Variants in SLC4A4 observed in about 807,000 individuals in gnomAD.
SLC4A4 encodes the protein electrogenic sodium bicarbonate cotransporter 1.
In SLC4A4, 27 loss-of-function variants were observed where a neutral mutation model predicts 111.5. The observed-to-expected ratio is 0.24, with a 90% CI of 0.18 to 0.33. SLC4A4 has a LOEUF of 0.33. Ranked by LOEUF, SLC4A4 falls within the 10% of genes least tolerant of loss-of-function variation. The probability of loss-of-function intolerance (pLI) is 1.00; values close to 1 mark genes in which losing one functional copy is unlikely to be tolerated. For missense variants in SLC4A4, 909 were observed against 1,315.5 expected, an observed-to-expected ratio of 0.69 and a Z score of 4.78; for synonymous variants, 443 against 463.4, an observed-to-expected ratio of 0.96 and a Z score of 0.57.
At chr4:71,192,301 A>T (rs1351940351) in intron 1 of SLC4A4, among the ~76,000 whole-genome samples, 1 of 152,180 alleles carries the variant, frequency 6.6e-6, no homozygotes, top group Non-Finnish European at 1.5e-5. Context: ...CCAGCAAAAA[A>T]GTCTCTGAGC....
At chr4:71,199,913 A>C (rs1205353616) in intron 1 of SLC4A4, among the ~76,000 whole-genome samples, 1 of 152,110 alleles carries the variant, frequency 6.6e-6, no homozygotes, top group African/African-American at 2.4e-5. Flanking sequence ...AGCTTCCCAA[A>C]GTGCTGGGAT....
At chr4:71,161,362 G>C (rs912238249) in intron 2 of SLC4A4, among the ~76,000 whole-genome samples, 3 of 152,140 alleles carry the variant, frequency 2.0e-5, no homozygotes, top group African/African-American at 7.2e-5. Flanking sequence ...ATATCCTATT[G>C]TTGTGTTTTA....
chr4:71,259,539 G>A (rs566762632), intron 3 of SLC4A4, among the ~76,000 whole-genome samples: 2 of 152,092 alleles, frequency 1.3e-5, no homozygotes, highest in South Asian at 4.2e-4. Context: ...ACAAGCAGGA[G>A]AGACAAGGGA....
intron 7 of SLC4A4, among the ~76,000 whole-genome samples, chr4:71,421,244 A>ATT (rs1389564741): frequency 7.2e-5 from 11 of 152,236 alleles, no homozygotes; most frequent in African/African-American, 2.7e-4. Flanking sequence ...AAAGAAGGCC[A>ATT]TTACATAATG....
chr4:71,129,903 T>G (rs1215171444), intron 2 of SLC4A4, among the ~76,000 whole-genome samples: 1 of 151,984 alleles, frequency 6.6e-6, no homozygotes, highest in Non-Finnish European at 1.5e-5. Flanking sequence ...ATATTGCCTG[T>G]TCTCACTTAT....
intron 18 of SLC4A4, among the ~76,000 whole-genome samples, chr4:71,537,942 C>G (rs899086196): frequency 1.3e-5 from 2 of 152,034 alleles, no homozygotes; most frequent in Non-Finnish European, 2.9e-5. Flanking sequence ...CTTCGCGTGG[C>G]TGTTGTTTTT....
At chr4:71,065,585 T>C (rs1317812060) in intron 1 of SLC4A4, among the ~76,000 whole-genome samples, 1 of 152,154 alleles carries the variant, frequency 6.6e-6, no homozygotes, top group African/African-American at 2.4e-5. Flanking sequence ...TGACAATATA[T>C]ATATATTCTA....
intron 1 of SLC4A4, among the ~76,000 whole-genome samples, chr4:71,203,603 C>T (rs79020440): frequency 0.017 from 2,624 of 152,066 alleles, 73 homozygotes; most frequent in African/African-American, 0.058. Flanking sequence ...TATACCTTGG[C>T]GAAAAACATG....
At chr4:71,341,564 T>A (rs1240378228) in intron 4 of SLC4A4, among the ~76,000 whole-genome samples, 4 of 152,146 alleles carry the variant, frequency 2.6e-5, no homozygotes, top group Non-Finnish European at 5.9e-5. Flanking sequence ...GAGGAATAAT[T>A]TTTATTTTCT....
intron 5 of SLC4A4, among the ~76,000 whole-genome samples, chr4:71,350,837 A>G (rs1729765855): frequency 6.6e-6 from 1 of 152,134 alleles, no homozygotes; most frequent in Non-Finnish European, 1.5e-5. Flanking sequence ...CTTCTTCCCC[A>G]TAATCCCAGG....
chr4:71,115,675 C>G (rs375775396), intron 2 of SLC4A4, among the ~76,000 whole-genome samples: 10 of 152,100 alleles, frequency 6.6e-5, no homozygotes, highest in South Asian at 2.1e-4. Context: ...TTTACTAATA[C>G]AGATTTTTTA....
At chr4:71,490,226 T>A (rs1049251464) in intron 15 of SLC4A4, among the ~76,000 whole-genome samples, 3 of 151,822 alleles carry the variant, frequency 2.0e-5, no homozygotes, top group African/African-American at 4.8e-5. Flanking sequence ...GGCTTGCAGT[T>A]TCCAGCTCTC....
rs757268018 is a variant in SLC4A4 at position 71,534,387 on chromosome 4, A to C, written c.2441A>C (p.Lys814Thr). The change falls in exon 18 of 26, where the codon AAG becomes ACG. Residue 814 changes from lysine to threonine, a missense_variant and splice_region_variant. By Grantham distance (78) the Lys-to-Thr change is moderately conservative (BLOSUM62 -1). Coordinates refer to ENST00000264485, the MANE Select transcript of SLC4A4 (RefSeq NM_001098484.3). ...GTAAACAGGAAAGAACATAAACTCA[A>C]GGTAAGTGTCCATAATAATGTCTGT... ...VIVNRKEHKL[K>T]KGAGYHLDLF... is the part of the protein sequence containing the mutation. 1.8e-5 allele frequency: 29 copies of C among 1,613,182 alleles called. No individual in the cohort carries two copies. The highest frequency in any genetic ancestry group is 2.4e-5 in the Non-Finnish European group (28 of 1,179,436).
rs895840298 is a variant in SLC4A4 at position 71,417,937 on chromosome 4, A to G, written c.807+20284A>G. Among the ~76,000 whole-genome samples the G allele has an allele frequency of 5.3e-5, 8 of 152,192 alleles. 1 individual carries two copies. Among genetic ancestry groups the G allele is most frequent in the African/African-American group, 1.9e-4 (8 of 41,446 alleles). The stretch of plus-strand genomic sequence containing the variant: ...AAGACCTTTACGCTTTTGAGACTTA[A>G]TTTCCCTCATCTGTAAAATGATGTA... On this transcript the variant is annotated intron_variant, in intron 7 of 25. Coordinates refer to ENST00000264485, the MANE Select transcript of SLC4A4 (RefSeq NM_001098484.3).
intron 2 of SLC4A4, among the ~76,000 whole-genome samples, chr4:71,152,768 C>A (rs1008414799): frequency 1.3e-5 from 2 of 151,862 alleles, no homozygotes; most frequent in African/African-American, 2.4e-5. Context: ...CTGCCTTTCC[C>A]AGCCCACTTT....
At chr4:71,140,134 T>C (rs1053293866) in intron 2 of SLC4A4, among the ~76,000 whole-genome samples, 15 of 152,314 alleles carry the variant, frequency 9.8e-5, no homozygotes, top group South Asian at 2.1e-4. Flanking sequence ...ACAAAATCTC[T>C]GCTGGCCAGG....
intron 2 of SLC4A4, among the ~76,000 whole-genome samples, chr4:71,096,960 A>T (rs1267770408): frequency 1.3e-5 from 2 of 152,222 alleles, no homozygotes; most frequent in Non-Finnish European, 2.9e-5. Context: ...ATAAACTTAC[A>T]TTTTTGTTCA....
chr4:71,312,214 A>T (rs368747416), intron 3 of SLC4A4, among the ~76,000 whole-genome samples: 1 of 152,356 alleles, frequency 6.6e-6, no homozygotes, highest in African/African-American at 2.4e-5. Context: ...TCCTAAGATT[A>T]AATCAGGGAG....
intron 3 of SLC4A4, among the ~76,000 whole-genome samples, chr4:71,292,792 G>A (rs531951363): frequency 2.7e-5 from 4 of 150,604 alleles, no homozygotes; most frequent in Admixed American, 6.6e-5. Context: ...GTAAATCATC[G>A]AATAGTTATG....
Sources: allele counts gnomAD v4.1 joint callset (sites outside exome capture counted in the v4.1 genomes callset), GRCh38; gene constraint gnomAD v4.1.1; transcripts MANE v1.5; gene names NCBI Gene and HGNC (gene_info 2026-07-23, HGNC 2026-07-21).